Variants in VWA8 observed in about 807,000 individuals in gnomAD.
The protein encoded by VWA8 is von Willebrand factor A domain-containing protein 8.
VWA8 carries 221 observed loss-of-function variants against 241.5 expected under a neutral mutation model. The ratio of observed to expected loss-of-function variants is 0.91; its 90% CI spans 0.82 to 1.02. The LOEUF is 1.02. VWA8 is among the 50% of genes least tolerant of loss of function. VWA8 has a pLI of 0.00. For missense variants in VWA8, 2,322 were observed against 2,328.7 expected (o/e 1.00, Z 0.06); for synonymous variants, 852 against 827.1 (o/e 1.03, Z -0.52).
At chr13:41,881,724 G>A in intron 9 of VWA8, among the ~76,000 whole-genome samples, 1 of 146,496 alleles carries the variant, frequency 6.8e-6, no homozygotes, top group African/African-American at 2.5e-5. Flanking sequence ...TGGCCGGGCT[G>A]GGGGCTGACC....
rs982324141 is a variant in VWA8, at chr13:41,779,197, T to C, written c.2278-1141A>G. 3.0e-4 allele frequency among the ~76,000 whole-genome samples: 44 copies of C among 147,948 alleles called. No individual in the cohort carries two copies. In the East Asian group the frequency reaches 8.2e-3, roughly 27 times the overall value. On this transcript the variant is annotated intron_variant, in intron 19 of 44. Coordinates refer to ENST00000379310, the MANE Select transcript of VWA8 (RefSeq NM_015058.2). ...TTATATCTATATTGTATAATATACA[T>C]ATAAATTATATATAATATATAGATA...
rs1382228315 is a variant in VWA8 at position 41,787,434 on chromosome 13, T to TA, written c.2170+2dup. On this transcript the variant is annotated splice_region_variant and intron_variant, in intron 18 of 44. Transcript: ENST00000379310. ...AAAAAAAAGAGCCAAATCAAATACTTACATTTGTAATCCTTCAGTTCTGGC... is the reference window on the plus strand; with the variant it reads ...AAAAAAAAGAGCCAAATCAAATACTTAACATTTGTAATCCTTCAGTTCTGGC... 3 of 1,597,832 alleles carry TA rather than the reference T, an allele frequency of 1.9e-6. No homozygotes were observed. The highest frequency in any genetic ancestry group is 1.3e-5 in the African/African-American group (1 of 74,424).
intron 36 of VWA8, among the ~76,000 whole-genome samples, chr13:41,674,177 CT>C (rs2045044359): frequency 2.0e-5 from 3 of 151,840 alleles, no homozygotes; most frequent in Admixed American, 2.0e-4. Context: ...TTTTTTTAAT[CT>C]GATTAAAGGG....
chr13:41,617,975 TC>T (rs1423630605), intron 37 of VWA8, among the ~76,000 whole-genome samples: 1 of 152,180 alleles, frequency 6.6e-6, no homozygotes, highest in African/African-American at 2.4e-5. Flanking sequence ...TGATTTATAA[TC>T]CTTTGGGTAT....
chr13:41,958,114 T>A (rs1010037466), intron 1 of VWA8, among the ~76,000 whole-genome samples: 1 of 152,234 alleles, frequency 6.6e-6, no homozygotes, highest in Non-Finnish European at 1.5e-5. Context: ...TAGATACTTA[T>A]ACTATCTGAC....
intron 2 of VWA8, among the ~76,000 whole-genome samples, chr13:41,934,292 G>C (rs1398387970): frequency 1.3e-5 from 2 of 151,912 alleles, no homozygotes; most frequent in African/African-American, 4.8e-5. Context: ...TATTTTAATG[G>C]TTAAAATTCA....
At chr13:41,822,782 C>CA (rs1286390910) in intron 14 of VWA8, among the ~76,000 whole-genome samples, 1 of 152,102 alleles carries the variant, frequency 6.6e-6, no homozygotes, top group Non-Finnish European at 1.5e-5. Context: ...TAAAAGGGAA[C>CA]AAACTATCAA....
intron 20 of VWA8, among the ~76,000 whole-genome samples, chr13:41,767,527 C>A (rs1019111326): frequency 2.0e-5 from 3 of 152,146 alleles, no homozygotes; most frequent in African/African-American, 7.2e-5. Flanking sequence ...TTTCCAAATT[C>A]TCTCAATACA....
At chr13:41,931,346 G>A (rs377323362) in intron 2 of VWA8, among the ~76,000 whole-genome samples, 12 of 148,978 alleles carry the variant, frequency 8.1e-5, no homozygotes, top group Admixed American at 2.7e-4. Flanking sequence ...TGGTTGGGGC[G>A]GTGGGGTGCA....
intron 2 of VWA8, among the ~76,000 whole-genome samples, chr13:41,919,173 T>C (rs1032128509): frequency 6.6e-6 from 1 of 152,092 alleles, no homozygotes; most frequent in Non-Finnish European, 1.5e-5. Context: ...GATGGCCACA[T>C]AGAGAAGGAA....
intron 17 of VWA8, among the ~76,000 whole-genome samples, chr13:41,798,064 C>T (rs1339154013): frequency 6.6e-6 from 1 of 152,150 alleles, no homozygotes; most frequent in African/African-American, 2.4e-5. Context: ...AATTTACACA[C>T]ACATACTTGA....
chr13:41,677,343 T>C (rs1484489312), intron 35 of VWA8, among the ~76,000 whole-genome samples: 2 of 152,216 alleles, frequency 1.3e-5, no homozygotes, highest in Non-Finnish European at 2.9e-5. Context: ...TGAGTAACCA[T>C]CATCCTCAAA....
intron 2 of VWA8, chr13:41,926,519 C>T (rs946252937): frequency 3.7e-6 from 2 of 535,674 alleles, no homozygotes; most frequent in South Asian, 2.9e-5. Context: ...TGGCACCAAG[C>T]AGATTTATGA....
chr13:41,845,845 G>C (rs1872266656), intron 12 of VWA8, among the ~76,000 whole-genome samples: 1 of 152,184 alleles, frequency 6.6e-6, no homozygotes, highest in African/African-American at 2.4e-5. Flanking sequence ...GAGGGAAGAA[G>C]TGAAGGGTGA....
intron 14 of VWA8, among the ~76,000 whole-genome samples, chr13:41,822,133 G>A (rs1191929921): frequency 3.9e-5 from 6 of 151,988 alleles, no homozygotes; most frequent in Non-Finnish European, 7.4e-5. Flanking sequence ...ATCAAACTGT[G>A]CATTTTAAAT....
At chr13:41,868,854 C>T (rs1208569567) in intron 9 of VWA8, among the ~76,000 whole-genome samples, 6 of 125,930 alleles carry the variant, frequency 4.8e-5, no homozygotes, top group Non-Finnish European at 1.6e-5. Context: ...CGCCACTGCA[C>T]TCCAGCATGG....
intron 12 of VWA8, among the ~76,000 whole-genome samples, chr13:41,843,864 C>G (rs1217922294): frequency 6.6e-6 from 1 of 151,974 alleles, no homozygotes; most frequent in African/African-American, 2.4e-5. Flanking sequence ...ACCAAAAAAA[C>G]ACAACCCTGG....
chr13:41,871,930 G>C (rs906870924), intron 9 of VWA8, among the ~76,000 whole-genome samples: 2 of 152,144 alleles, frequency 1.3e-5, no homozygotes, highest in Non-Finnish European at 2.9e-5. Context: ...CAACAGTGTA[G>C]AAGTGTTCCT....
chr13:41,818,879 A>G (rs1019530978), intron 15 of VWA8, among the ~76,000 whole-genome samples: 5 of 152,238 alleles, frequency 3.3e-5, no homozygotes, highest in African/African-American at 1.2e-4. Flanking sequence ...GAGGAGAGAC[A>G]GGCCACATTC....
Sources: gnomAD v4.1 joint callset for allele counts (sites outside exome capture counted in the v4.1 genomes callset) on GRCh38, gnomAD v4.1.1 for gene constraint, MANE v1.5 for transcripts, NCBI Gene and HGNC (gene_info 2026-07-23, HGNC 2026-07-21) for gene names.